The following CDH12 variants were observed in gnomAD, a reference collection of about 807,000 sequenced individuals.
CDH12 encodes cadherin 12, also known as cadherin-12.
In CDH12, 41 loss-of-function variants were observed where a neutral mutation model predicts 74.1. The ratio of observed to expected loss-of-function variants is 0.55; its 90% CI spans 0.43 to 0.72. The LOEUF (loss-of-function observed/expected upper bound fraction) is 0.72, where lower values mean the gene tolerates loss of function less well. CDH12 is among the 30% of genes least tolerant of loss of function. The probability of loss-of-function intolerance (pLI) is 0.00; values close to 1 mark genes in which losing one functional copy is unlikely to be tolerated. For missense variants in CDH12, 945 were observed against 977.2 expected (o/e 0.97, Z 0.44); for synonymous variants, 399 against 355.0 (o/e 1.12, Z -1.39).
intron 1 of CDH12, among the ~76,000 whole-genome samples, chr5:22,647,310 A>G (rs1326163364): frequency 6.6e-6 from 1 of 151,870 alleles, no homozygotes; most frequent in Non-Finnish European, 1.5e-5. Flanking sequence ...TTAATGGTAC[A>G]TAGTATTAAT....
intron 4 of CDH12, among the ~76,000 whole-genome samples, chr5:22,161,910 T>C (rs1300403124): frequency 3.3e-5 from 5 of 151,940 alleles, no homozygotes; most frequent in Non-Finnish European, 7.4e-5. Flanking sequence ...CTCATATGTT[T>C]ATTATAGAAT....
intron 2 of CDH12, among the ~76,000 whole-genome samples, chr5:22,426,020 C>G (rs1036450958): frequency 2.0e-5 from 3 of 151,850 alleles, no homozygotes; most frequent in African/African-American, 7.3e-5. Flanking sequence ...AACCCCGTAT[C>G]TACTAAAAAT....
intron 1 of CDH12, among the ~76,000 whole-genome samples, chr5:22,789,064 GT>G (rs1450635471): frequency 6.6e-6 from 1 of 151,934 alleles, no homozygotes; most frequent in Non-Finnish European, 1.5e-5. Context: ...GAATATCATA[GT>G]TTATTTTGAG....
intron 6 of CDH12, among the ~76,000 whole-genome samples, chr5:21,906,411 A>G (rs1442428664): frequency 6.6e-6 from 1 of 152,220 alleles, no homozygotes; most frequent in African/African-American, 2.4e-5. Context: ...GCTGCAGTAT[A>G]GCAAATAGGT....
chr5:22,173,322 CTAATA>C (rs1749144924), intron 4 of CDH12, among the ~76,000 whole-genome samples: 1 of 144,016 alleles, frequency 6.9e-6, no homozygotes, highest in Non-Finnish European at 1.5e-5. Flanking sequence ...TTTTATAAAT[CTAATA>C]TAATTTATAT....
chr5:22,619,018 T>G (rs958833903), intron 1 of CDH12, among the ~76,000 whole-genome samples: 28 of 152,110 alleles, frequency 1.8e-4, no homozygotes, highest in African/African-American at 6.5e-4. Flanking sequence ...ACCCCTTTCC[T>G]CTATAAATTA....
chr5:21,872,473 T>A (rs1448855223), intron 6 of CDH12, among the ~76,000 whole-genome samples: 3 of 152,206 alleles, frequency 2.0e-5, no homozygotes, highest in African/African-American at 2.4e-5. Context: ...TGGTGTTGCC[T>A]TCTTTATACC....
chr5:21,793,190 TC>T (rs1746598681), intron 10 of CDH12, among the ~76,000 whole-genome samples: 1 of 151,782 alleles, frequency 6.6e-6, no homozygotes, highest in Admixed American at 6.6e-5. Flanking sequence ...CTAGACAGCA[TC>T]TATTTCTTCC....
At chr5:22,376,350 T>C (rs540585106) in intron 3 of CDH12, among the ~76,000 whole-genome samples, 2 of 151,300 alleles carry the variant, frequency 1.3e-5, no homozygotes, top group East Asian at 2.0e-4. Context: ...GGTGCAAACA[T>C]ACACTTAAAT....
chr5:22,815,638 T>C (rs960079579), intron 1 of CDH12, among the ~76,000 whole-genome samples: 1 of 151,298 alleles, frequency 6.6e-6, no homozygotes, highest in African/African-American at 2.4e-5. Context: ...GGCATGGTGG[T>C]GGGCACCTGT....
chr5:21,810,119 ATG>A (rs1178192265), intron 9 of CDH12, among the ~76,000 whole-genome samples: 4 of 151,966 alleles, frequency 2.6e-5, no homozygotes, highest in Non-Finnish European at 5.9e-5. Flanking sequence ...ATGCCTGTAA[ATG>A]TGTGTGTGTG....
rs1301902779 is a variant in CDH12, at chr5:21,781,803, C to T, written c.1393+1555G>A. Among the ~76,000 whole-genome samples the T allele has an allele frequency of 1.3e-5, 2 of 151,468 alleles. 1 individual carries two copies. Among genetic ancestry groups the T allele is most frequent in the African/African-American group, 4.8e-5 (2 of 41,274 alleles). On this transcript the variant is annotated intron_variant, in intron 11 of 14. Transcript: ENST00000382254. The stretch of plus-strand genomic sequence containing the variant: ...GAGATTTATGCATTTTAAAAATTTT[C>T]CTTTCCTTTCTATTGCAAGAAACTG...
chr5:22,575,990 C>T (rs1278027223), intron 1 of CDH12, among the ~76,000 whole-genome samples: 4 of 152,056 alleles, frequency 2.6e-5, no homozygotes, highest in East Asian at 3.9e-4. Context: ...TCCCAAAGTG[C>T]TGGACATGAC....
intron 3 of CDH12, among the ~76,000 whole-genome samples, chr5:22,402,447 T>G (rs538368745): frequency 1.1e-4 from 16 of 152,314 alleles, no homozygotes; most frequent in African/African-American, 3.1e-4. Flanking sequence ...AGCAGATATT[T>G]TAGCTGAATC....
At chr5:22,050,297 G>A (rs1253038350) in intron 5 of CDH12, among the ~76,000 whole-genome samples, 5 of 151,890 alleles carry the variant, frequency 3.3e-5, no homozygotes, top group Admixed American at 3.3e-4. Flanking sequence ...TGCTGTATTG[G>A]AATTATCTAT....
At chr5:22,197,945 T>C (rs942410808) in intron 4 of CDH12, among the ~76,000 whole-genome samples, 2 of 152,188 alleles carry the variant, frequency 1.3e-5, no homozygotes, top group African/African-American at 4.8e-5. Flanking sequence ...AGGCTTTACA[T>C]GGTGCTCTTC....
intron 3 of CDH12, among the ~76,000 whole-genome samples, chr5:22,376,779 T>C (rs904177921): frequency 2.0e-5 from 3 of 147,932 alleles, no homozygotes; most frequent in African/African-American, 7.4e-5. Context: ...CACCTCAGCC[T>C]CCCAAAGTTC....
chr5:22,034,775 G>A (rs775639336), intron 5 of CDH12, among the ~76,000 whole-genome samples: 4 of 152,160 alleles, frequency 2.6e-5, no homozygotes, highest in Admixed American at 6.6e-5. Flanking sequence ...GAAGGAAAAT[G>A]TGTCATGAAG....
At chr5:22,611,199 GCACTTCTGA>G (rs1737378036) in intron 1 of CDH12, among the ~76,000 whole-genome samples, 2 of 151,926 alleles carry the variant, frequency 1.3e-5, no homozygotes, top group Non-Finnish European at 2.9e-5. Context: ...GGAAATTATG[GCACTTCTGA>G]CTTATCCCAA....
Sources: gnomAD v4.1 joint callset for allele counts (sites outside exome capture counted in the v4.1 genomes callset) on GRCh38, gnomAD v4.1.1 for gene constraint, MANE v1.5 for transcripts, NCBI Gene and HGNC (gene_info 2026-07-23, HGNC 2026-07-21) for gene names.